The following MOXD1 variants were observed in gnomAD, a reference collection of about 807,000 sequenced individuals.
MOXD1 encodes the protein DBH-like monooxygenase protein 1.
Under a neutral mutation model 66.6 loss-of-function variants are expected in MOXD1, and 62 were observed. That is an observed-to-expected ratio of 0.93 (90% confidence interval 0.76 to 1.15). MOXD1 has a LOEUF of 1.15. MOXD1 is among the 50% of genes most tolerant of loss of function. The probability of loss-of-function intolerance (pLI) is 0.00; values close to 1 mark genes in which losing one functional copy is unlikely to be tolerated. For missense variants in MOXD1, 847 were observed against 754.6 expected (o/e 1.12, Z -1.44); for synonymous variants, 303 against 281.9 (o/e 1.07, Z -0.75).
At position 132,397,650 on chromosome 6, in the gene MOXD1, GAA is replaced by G. The variant is rs2114701728; in HGVS notation, c.264+3511_264+3512del. On this transcript the variant is annotated intron_variant, in intron 1 of 11. Transcript: ENST00000367963. ...AGAGAGAGAGACAGAAAGAAAGAAA[GAA>G]AGAAAGAAAGAAAGAAAGAAAGAAA... Among the ~76,000 whole-genome samples the G allele has an allele frequency of 2.6e-5, 3 of 115,778 alleles. No individual in the cohort carries two copies. The South Asian group carries it at 8.3e-4, about 32-fold the overall frequency. The allele number at this position is 115,778 out of a possible 152,430, so 76.0% of individuals were successfully genotyped here.
intron 1 of MOXD1, among the ~76,000 whole-genome samples, chr6:132,389,900 T>C (rs1047037605): frequency 1.3e-5 from 2 of 151,556 alleles, no homozygotes; most frequent in Non-Finnish European, 3.0e-5. Context: ...CCTAAGAAAC[T>C]TGAGATTTCA....
chr6:132,335,954 G>T (rs1289761490), intron 4 of MOXD1, among the ~76,000 whole-genome samples: 1 of 152,152 alleles, frequency 6.6e-6, no homozygotes, highest in Non-Finnish European at 1.5e-5. Flanking sequence ...TAAAGCGGGA[G>T]AAAGTACCTT....
intron 4 of MOXD1, among the ~76,000 whole-genome samples, chr6:132,359,728 C>T (rs1775979824): frequency 2.6e-5 from 4 of 151,904 alleles, no homozygotes; most frequent in South Asian, 4.2e-4. Context: ...CCTCATAATC[C>T]GCCCGCCTCT....
At chr6:132,330,860 G>A (rs897859012) in intron 4 of MOXD1, among the ~76,000 whole-genome samples, 2 of 152,158 alleles carry the variant, frequency 1.3e-5, no homozygotes, top group African/African-American at 4.8e-5. Flanking sequence ...GTGTCTGAAT[G>A]GGCAGCCAAG....
rs3038136 is a variant in MOXD1, at chr6:132,378,875, C to CTTT, written c.265-4101_265-4099dup. 1.1e-3 allele frequency among the ~76,000 whole-genome samples: 45 copies of CTTT among 41,916 alleles called. 20 individuals are homozygous for CTTT. Among genetic ancestry groups the CTTT allele is most frequent in the Non-Finnish European group, 2.1e-3 (33 of 15,744 alleles). 27.5% of individuals were successfully genotyped at this position (41,916 alleles called of 152,430 possible). ...AATGAAAGAGGACAGAACACTTCCT[C>CTTT]TTTTTTTTTTTTTTTTTTTTTTTTT... On this transcript the variant is annotated intron_variant, in intron 1 of 11. Coordinates refer to ENST00000367963, the MANE Select transcript of MOXD1 (RefSeq NM_015529.4).
intron 4 of MOXD1, among the ~76,000 whole-genome samples, chr6:132,342,536 T>C (rs1432113432): frequency 2.6e-5 from 4 of 152,200 alleles, no homozygotes; most frequent in African/African-American, 9.6e-5. Context: ...TTAAAGCCTT[T>C]GTTATTTGTG....
intron 4 of MOXD1, among the ~76,000 whole-genome samples, chr6:132,353,715 C>T (rs1775851611): frequency 6.6e-6 from 1 of 152,098 alleles, no homozygotes. Flanking sequence ...AGGTCTCTAG[C>T]TAGGCCAAGG....
chr6:132,314,413 T>C (rs1774897354), intron 10 of MOXD1, among the ~76,000 whole-genome samples: 1 of 152,246 alleles, frequency 6.6e-6, no homozygotes, highest in African/African-American at 2.4e-5. Flanking sequence ...CCCAGTATAG[T>C]AGCCAAATTG....
At chr6:132,401,127 C>A (rs1777015536) in intron 1 of MOXD1, 36 bp downstream of exon 1, 3 of 1,465,322 alleles carry the variant, frequency 2.0e-6, no homozygotes, top group Non-Finnish European at 2.7e-6. Context: ...CGGGACCGGG[C>A]TCGGCCGGGC....
At chr6:132,356,963 CTTA>C (rs1177895510) in intron 4 of MOXD1, among the ~76,000 whole-genome samples, 5 of 151,746 alleles carry the variant, frequency 3.3e-5, no homozygotes, top group African/African-American at 1.2e-4. Context: ...TACTTTTTTA[CTTA>C]TTATGAGAAG....
rs1776808580 is a variant in MOXD1, at chr6:132,393,359, C to T, written c.264+7804G>A. On this transcript the variant is annotated intron_variant, in intron 1 of 11. Transcript: ENST00000367963. ...TTAGATAATCACATTTTGAATAGAT[C>T]ATCTGAGAGAGAATACTGGAATTCA... is the stretch of plus-strand genomic sequence containing the variant. 2.0e-5 allele frequency among the ~76,000 whole-genome samples: 3 copies of T among 152,138 alleles called. No homozygotes were observed. The South Asian group carries it at 6.2e-4, about 32-fold the overall frequency.
intron 4 of MOXD1, among the ~76,000 whole-genome samples, chr6:132,345,831 C>G (rs1369365721): frequency 2.0e-5 from 3 of 150,766 alleles, no homozygotes; most frequent in Non-Finnish European, 4.4e-5. Flanking sequence ...TTTTCTTTAA[C>G]CTAAATCTGC....
intron 1 of MOXD1, among the ~76,000 whole-genome samples, chr6:132,385,576 T>C (rs1776613642): frequency 6.6e-6 from 1 of 151,386 alleles, no homozygotes; most frequent in African/African-American, 2.4e-5. Flanking sequence ...CTCCATCTCC[T>C]GGGTTCAAGC....
rs991096494 is a variant in MOXD1 at position 132,377,490 on chromosome 6, C to T, written c.265-2713G>A. On this transcript the variant is annotated intron_variant, in intron 1 of 11. Transcript: ENST00000367963. ...TCCACAAAATATCCAGCTGGTTTGC[C>T]AATTTTCCACTCATTCTATTTCCAC... Among the ~76,000 whole-genome samples, 7 of 152,148 alleles carry T rather than the reference C, an allele frequency of 4.6e-5. 1 individual carries two copies. The highest frequency in any genetic ancestry group is 3.9e-4 in the Admixed American group (6 of 15,284).
At position 132,387,751 on chromosome 6, in the gene MOXD1, T is replaced by TAA. The variant is rs56728324; in HGVS notation, c.265-12976_265-12975dup. On this transcript the variant is annotated intron_variant, in intron 1 of 11. Transcript: ENST00000367963. The stretch of plus-strand genomic sequence containing the variant: ...TCTGGCAAAAAAGTGAAACTCCATC[T>TAA]AAAAAAAAAAAAAAAAAAAAAAAAG... 2.7e-3 allele frequency among the ~76,000 whole-genome samples: 185 copies of TAA among 69,174 alleles called. 1 individual carries two copies. Among genetic ancestry groups the TAA allele is most frequent in the Middle Eastern group, 0.013 (1 of 78 alleles). 45.4% of individuals were successfully genotyped at this position (69,174 alleles called of 152,430 possible).
chr6:132,395,844 A>C (rs948357204), intron 1 of MOXD1, among the ~76,000 whole-genome samples: 1 of 152,188 alleles, frequency 6.6e-6, no homozygotes, highest in Non-Finnish European at 1.5e-5. Flanking sequence ...TTAGAAATAC[A>C]ACAATTCTAA....
At chr6:132,322,348 A>G (rs776758166) in intron 8 of MOXD1, among the ~76,000 whole-genome samples, 1 of 152,204 alleles carries the variant, frequency 6.6e-6, no homozygotes, top group Non-Finnish European at 1.5e-5. Flanking sequence ...CCACTGCAGG[A>G]ATTGCAACCC....
Position 132,386,034 on chromosome 6 carries a change from C to T in MOXD1, c.265-11257G>A, listed in dbSNP as rs1776626290. On this transcript the variant is annotated intron_variant, in intron 1 of 11. Coordinates refer to ENST00000367963, the MANE Select transcript of MOXD1 (RefSeq NM_015529.4). ...AGGAGAATGGCGTGAACCCAGGAGG[C>T]GTAGCTTGCAGTGAGCCGAGATCGC... Among the ~76,000 whole-genome samples the T allele has an allele frequency of 2.1e-5, 3 of 146,014 alleles. No individual in the cohort carries two copies. In the South Asian group the frequency reaches 6.6e-4, roughly 32 times the overall value.
At chr6:132,355,959 C>T (rs1426379232) in intron 4 of MOXD1, among the ~76,000 whole-genome samples, 1 of 152,112 alleles carries the variant, frequency 6.6e-6, no homozygotes, top group Non-Finnish European at 1.5e-5. Context: ...CTTGCACATC[C>T]CGTTCGGCAA....
Sources: allele counts gnomAD v4.1 joint callset (sites outside exome capture counted in the v4.1 genomes callset), GRCh38; gene constraint gnomAD v4.1.1; transcripts MANE v1.5; gene names NCBI Gene and HGNC (gene_info 2026-07-23, HGNC 2026-07-21).